The following ZFAND4 variants were observed in gnomAD, a reference collection of about 807,000 sequenced individuals.
ZFAND4 encodes zinc finger AN1-type containing 4, also known as AN1-type zinc finger protein 4.
A neutral mutation model predicts 64.4 loss-of-function variants in ZFAND4; 43 were observed. That is an observed-to-expected ratio of 0.67 (90% CI 0.52 to 0.86). The LOEUF (loss-of-function observed/expected upper bound fraction) is 0.86. Ranked by LOEUF, ZFAND4 falls within the 40% of genes least tolerant of loss-of-function variation. The probability of loss-of-function intolerance (pLI) is 0.00; values close to 1 mark genes in which losing one functional copy is unlikely to be tolerated. For synonymous variants in ZFAND4, 296 were observed against 305.7 expected (o/e 0.97, Z 0.33); for missense variants, 929 against 859.8 (o/e 1.08, Z -1.01).
intron 1 of ZFAND4, among the ~76,000 whole-genome samples, chr10:45,664,275 T>C (rs1250714557): frequency 8.1e-6 from 1 of 124,204 alleles, no homozygotes; most frequent in Admixed American, 7.7e-5. Flanking sequence ...TACATTTGAC[T>C]TTTTTTTTTT....
intron 5 of ZFAND4, among the ~76,000 whole-genome samples, chr10:45,641,168 G>A (rs919134847): frequency 6.6e-5 from 10 of 152,160 alleles, no homozygotes; most frequent in Non-Finnish European, 7.4e-5. Context: ...AATGTTTGAT[G>A]AACTGAACAC....
chr10:45,623,049 C>T (rs1008999445), intron 8 of ZFAND4, among the ~76,000 whole-genome samples: 1 of 152,092 alleles, frequency 6.6e-6, no homozygotes, highest in Non-Finnish European at 1.5e-5. Flanking sequence ...CACAGATACG[C>T]AAATCAAAAC....
chr10:45,635,878 T>C (rs2046564230), intron 6 of ZFAND4, among the ~76,000 whole-genome samples: 2 of 152,184 alleles, frequency 1.3e-5, no homozygotes, highest in African/African-American at 4.8e-5. Context: ...TTTTATGACA[T>C]ATGTATTTTA....
chr10:45,627,787 T>A (rs905429766), intron 6 of ZFAND4, among the ~76,000 whole-genome samples: 2 of 152,180 alleles, frequency 1.3e-5, no homozygotes, highest in African/African-American at 4.8e-5. Context: ...GCCTCCCCGG[T>A]AAACAACATT....
intron 6 of ZFAND4, 145 bp downstream of exon 6, chr10:45,639,671 T>C (rs2046855381): frequency 2.0e-6 from 2 of 1,001,482 alleles, no homozygotes; most frequent in Non-Finnish European, 1.4e-6. Flanking sequence ...ATTTATCCCT[T>C]TTAGAAGTTT....
intron 1 of ZFAND4, among the ~76,000 whole-genome samples, chr10:45,664,726 G>A (rs1449592714): frequency 6.6e-6 from 1 of 151,854 alleles, no homozygotes. Flanking sequence ...AGGAGATCGA[G>A]ACCATCCTGG....
chr10:45,669,584 G>T (rs1223675623), intron 1 of ZFAND4, among the ~76,000 whole-genome samples: 1 of 152,138 alleles, frequency 6.6e-6, no homozygotes. Context: ...CAAAAAAAGA[G>T]AATTTTAGAC....
At chr10:45,634,444 G>T (rs1564578572) in intron 6 of ZFAND4, among the ~76,000 whole-genome samples, 1 of 150,712 alleles carries the variant, frequency 6.6e-6, no homozygotes, top group Admixed American at 6.6e-5. Context: ...GAGGAGAATC[G>T]CTTGAACCCA....
In ZFAND4 at chr10:45,615,623, C is replaced by A. The variant is rs539926751; in HGVS notation, c.*813G>T. The A allele has an allele frequency of 5.9e-5, 9 of 151,844 alleles. No individual in the cohort carries two copies. The highest frequency in any genetic ancestry group is 1.9e-4 in the African/African-American group (8 of 41,478). 9.4% of individuals were successfully genotyped at this position (151,844 alleles called of 1,614,324 possible). On this transcript the variant is annotated 3_prime_UTR_variant, in exon 10 of 10. Coordinates refer to ENST00000344646, the MANE Select transcript of ZFAND4 (RefSeq NM_174890.4). Reference sequence around the variant, plus strand: ...TGAAATTGAATATTTATTTGAATTTCTCCTGGTAATAGCACTCAACAAATA... The same window carrying A: ...TGAAATTGAATATTTATTTGAATTTATCCTGGTAATAGCACTCAACAAATA...
intron 9 of ZFAND4, among the ~76,000 whole-genome samples, chr10:45,616,782 TAAAG>T (rs2044992932): frequency 6.6e-6 from 1 of 152,118 alleles, no homozygotes; most frequent in Admixed American, 6.6e-5. Context: ...CAATTTATGA[TAAAG>T]AAGTCATTAT....
intron 9 of ZFAND4, among the ~76,000 whole-genome samples, chr10:45,617,273 T>A (rs112864495): frequency 4.6e-5 from 7 of 152,088 alleles, no homozygotes; most frequent in East Asian, 1.9e-4. Context: ...AAAGGATTTT[T>A]AAAAATATTT....
chr10:45,641,870 C>G (rs994238140), intron 5 of ZFAND4, among the ~76,000 whole-genome samples: 1 of 152,178 alleles, frequency 6.6e-6, no homozygotes, highest in Non-Finnish European at 1.5e-5. Context: ...GATCAGAAAG[C>G]TATAGACAGC....
chr10:45,625,287 A>G (rs1041338149), intron 7 of ZFAND4, among the ~76,000 whole-genome samples: 1 of 151,328 alleles, frequency 6.6e-6, no homozygotes, highest in Admixed American at 6.6e-5. Flanking sequence ...CCTGGCTAAC[A>G]CGGTGAAACC....
chr10:45,617,258 C>T (rs1050882008), intron 9 of ZFAND4, among the ~76,000 whole-genome samples: 3 of 151,932 alleles, frequency 2.0e-5, no homozygotes, highest in African/African-American at 7.3e-5. Flanking sequence ...CCTAACTATG[C>T]CATGAAAGGA....
intron 1 of ZFAND4, among the ~76,000 whole-genome samples, chr10:45,664,923 T>G (rs2048715476): frequency 6.6e-6 from 1 of 151,454 alleles, no homozygotes; most frequent in African/African-American, 2.4e-5. Flanking sequence ...AGAGCAAGAC[T>G]CTGGTCTCAA....
intron 8 of ZFAND4, among the ~76,000 whole-genome samples, chr10:45,622,132 G>A (rs959653014): frequency 1.6e-4 from 25 of 152,164 alleles, no homozygotes; most frequent in Admixed American, 1.4e-3. Flanking sequence ...TAATAAAAAC[G>A]ATGTGATACT....
chr10:45,627,130 C>T, intron 6 of ZFAND4, 25 bp from the exon 7 acceptor site: 4 of 1,507,068 alleles, frequency 2.7e-6, no homozygotes, highest in Non-Finnish European at 3.5e-6. Flanking sequence ...TATACAGTTT[C>T]TTTACACAGT....
chr10:45,616,670 C>T, intron 9 of ZFAND4, 99 bp from the exon 10 acceptor site: 8 of 1,280,466 alleles, frequency 6.2e-6, no homozygotes, highest in Non-Finnish European at 8.7e-6. Context: ...CAACAGGGGC[C>T]CTTTGGTTCT....
chr10:45,629,008 A>C (rs2133595011), intron 6 of ZFAND4, among the ~76,000 whole-genome samples: 1 of 152,230 alleles, frequency 6.6e-6, no homozygotes, highest in South Asian at 2.1e-4. Flanking sequence ...TTATGAAGAT[A>C]CTAAAAATAG....
Sources: gnomAD v4.1 joint callset for allele counts (sites outside exome capture counted in the v4.1 genomes callset) on GRCh38, gnomAD v4.1.1 for gene constraint, MANE v1.5 for transcripts, NCBI Gene and HGNC (gene_info 2026-07-23, HGNC 2026-07-21) for gene names.